TMEM18: variants seen among roughly 807,000 people sequenced by gnomAD.
TMEM18 encodes the protein transmembrane protein 18.
A neutral mutation model predicts 17.4 loss-of-function variants in TMEM18; 14 were observed. The ratio of observed to expected loss-of-function variants is 0.80; its 90% confidence interval spans 0.53 to 1.25. The LOEUF is 1.25. Ranked by LOEUF, TMEM18 falls within the 50% of genes most tolerant of loss-of-function variation. The probability of loss-of-function intolerance (pLI) is 0.00; values close to 1 mark genes in which losing one functional copy is unlikely to be tolerated. For missense variants in TMEM18, 187 were observed against 172.1 expected (o/e 1.09, Z -0.48); for synonymous variants, 86 against 66.1 (o/e 1.30, Z -1.46).
chr2:673,404 C>A (rs934831482), intron 2 of TMEM18, among the ~76,000 whole-genome samples: 1 of 152,236 alleles, frequency 6.6e-6, no homozygotes, highest in African/African-American at 2.4e-5. Flanking sequence ...CAGGGCAAGG[C>A]CTCCATGCTC....
Position 669,043 on chromosome 2 carries a change from T to C in TMEM18, c.*537A>G, listed in dbSNP as rs1021633965. 1 of 152,864 alleles carries C rather than the reference T, an allele frequency of 6.5e-6. No individual in the cohort carries two copies. Among genetic ancestry groups the C allele is most frequent in the Non-Finnish European group, 1.5e-5 (1 of 68,536 alleles). The allele number at this position is 152,864 out of a possible 1,614,324, so 9.5% of individuals were successfully genotyped here. The stretch of plus-strand genomic sequence containing the variant: ...GCTGACCCAGGCACACAGGATTTTA[T>C]GCATCACCCCGGGCTCCACAGGAGA... On this transcript the variant is annotated 3_prime_UTR_variant, in exon 5 of 5. Coordinates refer to ENST00000281017, the MANE Select transcript of TMEM18 (RefSeq NM_152834.4).
In TMEM18 at chr2:666,921, G is replaced by A. The variant is rs573163577; in HGVS notation, c.*2659C>T. On this transcript the variant is annotated 3_prime_UTR_variant, in exon 5 of 5. Transcript: ENST00000281017. ...AGGGAAAAGATGCTTGGGCCTGACC[G>A]GTATATCTCTGACGGCAATTCTCGT... Among the ~76,000 whole-genome samples, 6 of 152,140 alleles carry A rather than the reference G, an allele frequency of 3.9e-5. 1 individual carries two copies. Among genetic ancestry groups the A allele is most frequent in the East Asian group, 1.9e-4 (1 of 5,182 alleles).
intron 2 of TMEM18, 66 bp from the exon 3 acceptor site, chr2:672,928 A>G: frequency 7.3e-7 from 1 of 1,373,178 alleles, no homozygotes; most frequent in South Asian, 1.5e-5. Context: ...AAAGTTATAC[A>G]TTCTTTACAG....
chr2:669,341 C>T lies in TMEM18; in HGVS notation c.*239G>A, dbSNP rs559931466. ...CCCAGTTATGAAGCTCTGCAGAGAC[C>T]GTTCCCACAGCCTGACTACAAAGAT... is the stretch of plus-strand genomic sequence containing the variant. On this transcript the variant is annotated 3_prime_UTR_variant, in exon 5 of 5. Coordinates refer to ENST00000281017, the MANE Select transcript of TMEM18 (RefSeq NM_152834.4). The T allele has an allele frequency of 4.8e-4, 265 of 548,732 alleles. 1 individual carries two copies. Among genetic ancestry groups the T allele is most frequent in the African/African-American group, 4.6e-3 (245 of 53,344 alleles). 34.0% of individuals were successfully genotyped at this position (548,732 alleles called of 1,614,324 possible).
intron 3 of TMEM18, among the ~76,000 whole-genome samples, chr2:672,261 G>A (rs1001418750): frequency 6.6e-6 from 1 of 152,208 alleles, no homozygotes; most frequent in Non-Finnish European, 1.5e-5. Context: ...AGGCTGTGTG[G>A]TTCAACCTGG....
rs530673372 is a variant in TMEM18, at chr2:666,137, G to A, written c.*3443C>T. ...AACCCCATGCACAACAGGGCCCATG[G>A]AGGCTGACATCCAGCTCGCTCAGAT... On this transcript the variant is annotated 3_prime_UTR_variant, in exon 5 of 5. Coordinates refer to ENST00000281017, the MANE Select transcript of TMEM18 (RefSeq NM_152834.4). 1.7e-3 allele frequency among the ~76,000 whole-genome samples: 260 copies of A among 152,368 alleles called. No homozygotes were observed. The highest frequency in any genetic ancestry group is 6.2e-3 in the African/African-American group (256 of 41,588).
At chr2:672,700 G>T in intron 3 of TMEM18, 108 bp downstream of exon 3, 1 of 1,041,662 alleles carries the variant, frequency 9.6e-7, no homozygotes, top group Non-Finnish European at 1.3e-6. Flanking sequence ...GCTGTGCACA[G>T]CTGCCACGTT....
At chr2:677,082 C>G (rs1659272037) in intron 1 of TMEM18, 1 of 591,142 alleles carries the variant, frequency 1.7e-6, no homozygotes, top group Admixed American at 3.5e-5. Context: ...CCACAGGGCC[C>G]AGGACCCCGC....
chr2:677,328 A>T lies in TMEM18; in HGVS notation c.18T>A (p.Ser6=). MPSAF[S]VSSFPVSIPA... is the part of the protein sequence containing the mutation. ...GGATGCTGACGGGGAAAGAGCTGAC[A>T]GAGAAGGCGGACGGCATGGTGTTGG... is the stretch of plus-strand genomic sequence containing the variant. Residue 6 remains serine (S), a synonymous_variant, in exon 1 of 5, where the codon TCT becomes TCA. Transcript: ENST00000281017. 1 of 1,612,542 alleles carries T rather than the reference A, an allele frequency of 6.2e-7. No individual in the cohort carries two copies. Among genetic ancestry groups the T allele is most frequent in the Non-Finnish European group, 8.5e-7 (1 of 1,179,850 alleles).
Position 672,823 on chromosome 2 carries a change from G to A in TMEM18, c.218C>T (p.Ala73Val). 1 of 1,479,720 alleles carries A rather than the reference G, an allele frequency of 6.8e-7. No homozygotes were observed. Among genetic ancestry groups the A allele is most frequent in the East Asian group, 2.7e-5 (1 of 36,416 alleles). The allele number at this position is 1,479,720 out of a possible 1,614,324, so 91.7% of individuals were successfully genotyped here. A position where few individuals can be genotyped will look rare whatever the true frequency, so the allele number is the denominator to read the frequency against. Residue 73 changes from alanine (A) to valine (V), a missense_variant, in exon 3 of 5, where the codon GCT becomes GTT. Transcript: ENST00000281017. ...VYCAEYINEA[A>V]AMNWRLFSKY... ...GTGGGCTCACCTCCAGTTCATCGCA[G>A]CCGCCTCATTGATGTATTCAGCACA...
intron 1 of TMEM18, chr2:676,551 T>A: frequency 6.5e-7 from 1 of 1,549,988 alleles, no homozygotes; most frequent in Non-Finnish European, 8.7e-7. Context: ...CACAAGCGCA[T>A]CTACTCCCAT....
intron 1 of TMEM18, chr2:676,847 C>T: frequency 1.6e-6 from 1 of 606,640 alleles, no homozygotes; most frequent in Non-Finnish European, 2.9e-6. Context: ...CCGGCGTGCA[C>T]CTCCCACACG....
In TMEM18 at chr2:668,362, C is replaced by G. The variant is rs779903114; in HGVS notation, c.*1218G>C. The G allele has an allele frequency of 6.6e-6, 1 of 152,242 alleles. No individual in the cohort carries two copies. Among genetic ancestry groups the G allele is most frequent in the Non-Finnish European group, 1.5e-5 (1 of 68,048 alleles). 9.4% of individuals were successfully genotyped at this position (152,242 alleles called of 1,614,324 possible). ...CTTTTCTGTCAGTGAAGTCAAATAT[C>G]TACACAACGGCCCTGGACAATGCTA... On this transcript the variant is annotated 3_prime_UTR_variant, in exon 5 of 5. Transcript: ENST00000281017.
Position 669,798 on chromosome 2 carries a change from C to T in TMEM18, c.286G>A (p.Val96Ile). The change falls in exon 4 of 5, where the codon GTA becomes ATA. Residue 96 changes from valine (V) to isoleucine (I), a missense_variant. Coordinates refer to ENST00000281017, the MANE Select transcript of TMEM18 (RefSeq NM_152834.4). ...FDSRGMFISIVFSAPLLVNAM... is the reference protein window; with the variant it reads ...FDSRGMFISIIFSAPLLVNAM... ...TTCACCAGCAGTGGGGCTGAAAATA[C>T]TATAGAAATGAACATCCCCCTGGAG... is the stretch of plus-strand genomic sequence containing the variant. 6.2e-7 allele frequency: 1 copy of T among 1,613,962 alleles called. No individual in the cohort carries two copies. Among genetic ancestry groups the T allele is most frequent in the Non-Finnish European group, 8.5e-7 (1 of 1,180,010 alleles).
chr2:676,503 C>T, intron 1 of TMEM18: 1 of 1,519,690 alleles, frequency 6.6e-7, no homozygotes, highest in South Asian at 1.2e-5. Context: ...TGCTGGGGAC[C>T]GCAGCGGCTT....
rs1180161816 is a variant in TMEM18, at chr2:666,729, G to A, written c.*2851C>T. 6.6e-6 allele frequency among the ~76,000 whole-genome samples: 1 copy of A among 152,136 alleles called. No homozygotes were observed. Among genetic ancestry groups the A allele is most frequent in the African/African-American group, 2.4e-5 (1 of 41,432 alleles). ...CCTGCCTCCGAGAACTCTGCATGTG[G>A]AGCCCAGCCCCGTCCTCCCCAGGAC... On this transcript the variant is annotated 3_prime_UTR_variant, in exon 5 of 5. Transcript: ENST00000281017.
Position 672,848 on chromosome 2 carries a change from A to T in TMEM18, c.193T>A (p.Cys65Ser). The change falls in exon 3 of 5, where the codon TGT becomes AGT. Residue 65 changes from cysteine to serine, a missense_variant. Cys to Ser is a moderately radical substitution (Grantham distance 112). Coordinates refer to ENST00000281017, the MANE Select transcript of TMEM18 (RefSeq NM_152834.4). ...HFLCLVILVY[C>S]AEYINEAAAM... ...GCCGCCTCATTGATGTATTCAGCAC[A>T]GTAGACTAAGATGACTGAAAAAAGG... 1 of 1,507,160 alleles carries T rather than the reference A, an allele frequency of 6.6e-7. No individual in the cohort carries two copies. Among genetic ancestry groups the T allele is most frequent in the Non-Finnish European group, 8.8e-7 (1 of 1,140,990 alleles). The allele number at this position is 1,507,160 out of a possible 1,614,324, so 93.4% of individuals were successfully genotyped here.
rs1239299354 is a variant in TMEM18, at chr2:667,540, C to G, written c.*2040G>C. The G allele has an allele frequency of 6.6e-6, 1 of 152,166 alleles. No homozygotes were observed. The highest frequency in any genetic ancestry group is 1.5e-5 in the Non-Finnish European group (1 of 68,044). 9.4% of individuals were successfully genotyped at this position (152,166 alleles called of 1,614,324 possible). A position where few individuals can be genotyped will look rare whatever the true frequency, so the allele number is the denominator to read the frequency against. On this transcript the variant is annotated 3_prime_UTR_variant, in exon 5 of 5. Transcript: ENST00000281017. ...TGAAACCAGTGTGCTCTGTGCAACC[C>G]CCAGTGCTTTAAAGTGGGATTGCAC...
intron 3 of TMEM18, among the ~76,000 whole-genome samples, chr2:672,408 A>C (rs1295255662): frequency 6.6e-6 from 1 of 152,064 alleles, no homozygotes; most frequent in Non-Finnish European, 1.5e-5. Context: ...GGTGCCCCAG[A>C]CCACCCAGAA....
Sources: allele counts gnomAD v4.1 joint callset (sites outside exome capture counted in the v4.1 genomes callset), GRCh38; gene constraint gnomAD v4.1.1; transcripts MANE v1.5; gene names NCBI Gene and HGNC (gene_info 2026-07-23, HGNC 2026-07-21).